ROS1: variants seen among roughly 807,000 people sequenced by gnomAD.
The protein encoded by ROS1 is ROS proto-oncogene 1, receptor tyrosine kinase.
A neutral mutation model predicts 273.5 loss-of-function variants in ROS1; 263 were observed. The observed-to-expected ratio is 0.96, with a 90% CI of 0.87 to 1.06. ROS1 has a LOEUF of 1.06. Ranked by LOEUF, ROS1 falls within the 50% of genes least tolerant of loss-of-function variation. The pLI, the probability that ROS1 is intolerant of heterozygous loss-of-function variation, is 0.00. For synonymous variants in ROS1, 1,008 were observed against 954.1 expected, an observed-to-expected ratio of 1.06 and a Z score of -1.04; for missense variants, 2,833 against 2,751.1, an observed-to-expected ratio of 1.03 and a Z score of -0.67.
Position 117,373,323 on chromosome 6 carries a change from G to A in ROS1, c.2582+5736C>T, listed in dbSNP as rs1780992934. On this transcript the variant is annotated intron_variant, in intron 18 of 43. Coordinates refer to ENST00000368507, the MANE Select transcript of ROS1 (RefSeq NM_001378902.1). Reference sequence around the variant, plus strand: ...AGCCCTTGGGCGGTCAATGGGATCGGGCGCCACGGAGCAGGGGGCGGCACC... The same window carrying A: ...AGCCCTTGGGCGGTCAATGGGATCGAGCGCCACGGAGCAGGGGGCGGCACC... 2.6e-5 allele frequency among the ~76,000 whole-genome samples: 4 copies of A among 152,240 alleles called. No individual in the cohort carries two copies. The South Asian group carries it at 8.3e-4, about 32-fold the overall frequency.
Position 117,319,612 on chromosome 6 carries a change from A to G in ROS1, c.5922+256T>C, listed in dbSNP as rs545336893. ...TCTCTTATGGCATGTTTGAAGAAAA[A>G]TGATTGCCTGATAGGTCTTAGCTAA... On this transcript the variant is annotated intron_variant, in intron 37 of 43. Coordinates refer to ENST00000368507, the MANE Select transcript of ROS1 (RefSeq NM_001378902.1). Among the ~76,000 whole-genome samples the G allele has an allele frequency of 2.6e-5, 4 of 152,286 alleles. No homozygotes were observed. The South Asian group carries it at 8.3e-4, about 32-fold the overall frequency.
intron 7 of ROS1, among the ~76,000 whole-genome samples, chr6:117,398,105 C>A (rs927171104): frequency 2.6e-5 from 4 of 152,074 alleles, no homozygotes; most frequent in Non-Finnish European, 1.5e-5. Context: ...TAGTCAGTCA[C>A]CATGATAAAC....
intron 1 of ROS1, 125 bp downstream of exon 1, chr6:117,425,409 C>A (rs1776063451): frequency 2.2e-6 from 2 of 889,534 alleles, no homozygotes; most frequent in South Asian, 2.0e-5. Flanking sequence ...ATCTATCTTG[C>A]CTTGTTGCCA....
intron 18 of ROS1, among the ~76,000 whole-genome samples, chr6:117,371,790 T>G (rs1780801900): frequency 2.6e-5 from 4 of 152,272 alleles, no homozygotes; most frequent in Admixed American, 2.0e-4. Context: ...CGGTCACTGC[T>G]GGCTTTTCCC....
At chr6:117,393,604 T>C (rs568952535) in intron 11 of ROS1, among the ~76,000 whole-genome samples, 1 of 152,342 alleles carries the variant, frequency 6.6e-6, no homozygotes, top group Admixed American at 6.5e-5. Context: ...GTTTATGCAC[T>C]TTCAACCACA....
At chr6:117,396,383 G>C in intron 8 of ROS1, 119 bp from the exon 9 acceptor site, 1 of 719,464 alleles carries the variant, frequency 1.4e-6, no homozygotes, top group East Asian at 2.6e-5. Context: ...CATGAGTCTA[G>C]TTACGTGGTG....
At chr6:117,409,768 A>C in intron 4 of ROS1, 126 bp from the exon 5 acceptor site, 1 of 715,510 alleles carries the variant, frequency 1.4e-6, no homozygotes. Flanking sequence ...ATACGAGTAA[A>C]TCTTTGAAAT....
At chr6:117,312,787 C>T (rs988071430) in intron 39 of ROS1, among the ~76,000 whole-genome samples, 4 of 152,144 alleles carry the variant, frequency 2.6e-5, no homozygotes, top group Admixed American at 2.6e-4. Context: ...GGACTACCAC[C>T]TGTCATCTCT....
chr6:117,348,803 T>C (rs1467941448), intron 27 of ROS1, among the ~76,000 whole-genome samples: 1 of 152,022 alleles, frequency 6.6e-6, no homozygotes, highest in African/African-American at 2.4e-5. Flanking sequence ...CATTTTTAGT[T>C]CAAAATATTT....
At chr6:117,340,638 GAA>G (rs1337768598) in intron 31 of ROS1, among the ~76,000 whole-genome samples, 1 of 152,104 alleles carries the variant, frequency 6.6e-6, no homozygotes, top group Non-Finnish European at 1.5e-5. Context: ...GTTAAAGCGT[GAA>G]AAGTTTTGGA....
At chr6:117,367,211 T>G (rs1488041282) in intron 18 of ROS1, among the ~76,000 whole-genome samples, 1 of 152,136 alleles carries the variant, frequency 6.6e-6, no homozygotes, top group African/African-American at 2.4e-5. Context: ...GACCAGCCAA[T>G]GCAATAAATC....
rs773526509 is a variant in ROS1 at position 117,301,023 on chromosome 6, C to T, written c.6666G>A (p.Lys2222=). 1 of 1,603,016 alleles carries T rather than the reference C, an allele frequency of 6.2e-7. No homozygotes were observed. The change falls in exon 43 of 44, where the codon AAG becomes AAA. Residue 2222 remains lysine (K), a synonymous_variant. Coordinates refer to ENST00000368507, the MANE Select transcript of ROS1 (RefSeq NM_001378902.1). ...FRNFFLNSIY[K]SRDEANNSGV... is the part of the protein sequence containing the mutation. ...CACTGTTGTTTGCTTCATCTCTGGA[C>T]TTATAAATGCTATTTAAGAAAAAAT... is the stretch of plus-strand genomic sequence containing the variant.
intron 18 of ROS1, among the ~76,000 whole-genome samples, chr6:117,367,913 A>G (rs1780403223): frequency 6.6e-6 from 1 of 152,144 alleles, no homozygotes; most frequent in Non-Finnish European, 1.5e-5. Context: ...TCCCGAAGGC[A>G]TGGTCTGTTG....
intron 18 of ROS1, among the ~76,000 whole-genome samples, chr6:117,377,341 C>T (rs1781418434): frequency 6.6e-6 from 1 of 152,028 alleles, no homozygotes. Flanking sequence ...GAACTCCTGA[C>T]CTTAGGCTAT....
chr6:117,287,526 A>G lies in ROS1; in HGVS notation c.*966T>C, dbSNP rs554735424. 6.6e-6 allele frequency among the ~76,000 whole-genome samples: 1 copy of G among 152,338 alleles called. No homozygotes were observed. Among genetic ancestry groups the G allele is most frequent in the East Asian group, 1.9e-4 (1 of 5,188 alleles). ...ATACAACTGAAGATTACAGAATGCA[A>G]AACTTCAGGACTTAAAAGATCTTCA... On this transcript the variant is annotated 3_prime_UTR_variant, in exon 44 of 44. Transcript: ENST00000368507.
At chr6:117,322,407 C>G (rs1009556256) in intron 35 of ROS1, among the ~76,000 whole-genome samples, 1 of 152,132 alleles carries the variant, frequency 6.6e-6, no homozygotes, top group African/African-American at 2.4e-5. Context: ...AGTGCTTATC[C>G]TATGCACTGT....
At chr6:117,332,440 A>G (rs983491704) in intron 32 of ROS1, among the ~76,000 whole-genome samples, 5 of 152,204 alleles carry the variant, frequency 3.3e-5, no homozygotes, top group Non-Finnish European at 7.3e-5. Flanking sequence ...GATCAACAAG[A>G]CAGAAAATTA....
At chr6:117,311,163 T>A (rs1428588861) in intron 39 of ROS1, 46 bp from the exon 40 acceptor site, 2 of 1,106,010 alleles carry the variant, frequency 1.8e-6, no homozygotes, top group Non-Finnish European at 1.4e-6. Flanking sequence ...CTAGTTTGCA[T>A]GAAATATATA....
chr6:117,302,939 G>A (rs148858222), intron 42 of ROS1, among the ~76,000 whole-genome samples: 124 of 152,186 alleles, frequency 8.1e-4, no homozygotes, highest in East Asian at 2.7e-3. Flanking sequence ...TCACCCTCCC[G>A]CCTCTATCAA....
Sources: allele counts gnomAD v4.1 joint callset (sites outside exome capture counted in the v4.1 genomes callset), GRCh38; gene constraint gnomAD v4.1.1; transcripts MANE v1.5; gene names NCBI Gene and HGNC (gene_info 2026-07-23, HGNC 2026-07-21).